The following BACH2 variants were observed in gnomAD, a reference collection of about 807,000 sequenced individuals.
BACH2 encodes transcription regulator protein BACH2.
In BACH2, 5 loss-of-function variants were observed where a neutral mutation model predicts 61.8. The ratio of observed to expected loss-of-function variants is 0.08; its 90% CI spans 0.04 to 0.17. The LOEUF is 0.17. BACH2 is among the 10% of genes least tolerant of loss of function. The pLI is 1.00. For synonymous variants in BACH2, 446 were observed against 440.1 expected (o/e 1.01, Z -0.17); for missense variants, 824 against 1,091.1 (o/e 0.76, Z 3.45).
intron 6 of BACH2, among the ~76,000 whole-genome samples, chr6:89,974,994 A>T (rs1191081740): frequency 6.6e-6 from 1 of 152,194 alleles, no homozygotes; most frequent in Non-Finnish European, 1.5e-5. Context: ...TGCATGTTTT[A>T]CTGAAAGAGT....
intron 5 of BACH2, among the ~76,000 whole-genome samples, chr6:90,051,979 C>T (rs891666402): frequency 1.3e-5 from 2 of 152,012 alleles, no homozygotes; most frequent in African/African-American, 2.4e-5. Flanking sequence ...AAAATTTCCA[C>T]ATATAAGGGG....
intron 4 of BACH2, among the ~76,000 whole-genome samples, chr6:90,165,497 G>C (rs1767578453): frequency 1.3e-5 from 2 of 152,092 alleles, no homozygotes; most frequent in African/African-American, 4.8e-5. Context: ...GTAATTTATA[G>C]ATTCAATGCC....
At chr6:90,085,389 C>G (rs2127806349) in intron 5 of BACH2, among the ~76,000 whole-genome samples, 1 of 152,324 alleles carries the variant, frequency 6.6e-6, no homozygotes, top group East Asian at 1.9e-4. Flanking sequence ...AGGCACACAG[C>G]TCTGGGACTC....
At chr6:90,281,389 T>C (rs1342373381) in intron 1 of BACH2, among the ~76,000 whole-genome samples, 2 of 152,168 alleles carry the variant, frequency 1.3e-5, no homozygotes, top group African/African-American at 2.4e-5. Flanking sequence ...ATAAAAAACA[T>C]AGACAGTTTT....
At chr6:89,975,263 T>G (rs991118927) in intron 6 of BACH2, among the ~76,000 whole-genome samples, 4 of 152,238 alleles carry the variant, frequency 2.6e-5, no homozygotes, top group African/African-American at 9.6e-5. Context: ...GGGATAAAAA[T>G]GAATATTGTA....
At chr6:90,153,415 G>A (rs1037778278) in intron 4 of BACH2, among the ~76,000 whole-genome samples, 1 of 152,132 alleles carries the variant, frequency 6.6e-6, no homozygotes, top group African/African-American at 2.4e-5. Context: ...TGTTGGGTAA[G>A]TTATATTCTG....
intron 5 of BACH2, among the ~76,000 whole-genome samples, chr6:90,071,253 T>C (rs952900218): frequency 3.3e-5 from 5 of 152,242 alleles, no homozygotes; most frequent in Non-Finnish European, 5.9e-5. Context: ...ATGAGACCTC[T>C]TTTGTCACAG....
chr6:89,938,498 T>A, intron 7 of BACH2, 148 bp from the exon 8 acceptor site: 1 of 653,006 alleles, frequency 1.5e-6, no homozygotes, highest in Non-Finnish European at 2.6e-6. Context: ...ATTTCCTGTT[T>A]AAAGACAGAT....
chr6:90,029,614 C>T (rs778932565), intron 5 of BACH2, among the ~76,000 whole-genome samples: 9 of 152,186 alleles, frequency 5.9e-5, no homozygotes, highest in Non-Finnish European at 1.2e-4. Context: ...GTTTTGCTCA[C>T]CATTGAAGCC....
chr6:90,275,717 T>C (rs1173861238), intron 1 of BACH2, among the ~76,000 whole-genome samples: 1 of 152,116 alleles, frequency 6.6e-6, no homozygotes, highest in Non-Finnish European at 1.5e-5. Context: ...GGCTCACGCC[T>C]GTAATCCCAG....
At chr6:90,059,421 G>T (rs1226149888) in intron 5 of BACH2, among the ~76,000 whole-genome samples, 3 of 152,106 alleles carry the variant, frequency 2.0e-5, no homozygotes, top group African/African-American at 2.4e-5. Flanking sequence ...AAAACCACAA[G>T]GAGATACCAT....
At chr6:90,289,318 C>T (rs1329134488) in intron 1 of BACH2, among the ~76,000 whole-genome samples, 4 of 152,090 alleles carry the variant, frequency 2.6e-5, no homozygotes, top group African/African-American at 4.8e-5. Context: ...ATTAGCTGAG[C>T]GACACCTATG....
At chr6:90,240,556 A>G (rs1217082943) in intron 3 of BACH2, among the ~76,000 whole-genome samples, 2 of 152,238 alleles carry the variant, frequency 1.3e-5, no homozygotes, top group East Asian at 1.9e-4. Flanking sequence ...CAGCCCCACT[A>G]TAATGGGAAT....
intron 7 of BACH2, among the ~76,000 whole-genome samples, chr6:89,948,348 T>G (rs992204031): frequency 6.6e-6 from 1 of 152,176 alleles, no homozygotes; most frequent in African/African-American, 2.4e-5. Context: ...CTGGGACTAC[T>G]GGCACGAGCC....
At chr6:90,257,572 T>A (rs1279936555) in intron 2 of BACH2, among the ~76,000 whole-genome samples, 2 of 152,198 alleles carry the variant, frequency 1.3e-5, no homozygotes, top group African/African-American at 4.8e-5. Flanking sequence ...GTAATTCGTT[T>A]GTTCTTTGCT....
At chr6:90,209,763 C>A (rs558659868) in intron 3 of BACH2, among the ~76,000 whole-genome samples, 3 of 152,276 alleles carry the variant, frequency 2.0e-5, no homozygotes, top group Admixed American at 1.3e-4. Context: ...GATTACGGAT[C>A]CCTTCCTGCC....
chr6:90,253,804 G>A (rs1299258505), intron 2 of BACH2, among the ~76,000 whole-genome samples: 3 of 152,126 alleles, frequency 2.0e-5, no homozygotes, highest in Non-Finnish European at 4.4e-5. Context: ...CCTGAAGTTG[G>A]TTACACAGAG....
At chr6:90,100,702 GACACACACACAC>G (rs372719418) in intron 4 of BACH2, among the ~76,000 whole-genome samples, 3 of 64,278 alleles carry the variant, frequency 4.7e-5, no homozygotes, top group East Asian at 2.7e-4. Flanking sequence ...CACACACACA[GACACACACACAC>G]ACACACACAC....
chr6:90,035,833 G>A (rs149846409), intron 5 of BACH2, among the ~76,000 whole-genome samples: 325 of 151,944 alleles, frequency 2.1e-3, no homozygotes, highest in African/African-American at 7.3e-3. Flanking sequence ...ACTCAAGGTC[G>A]CAGAACCATT....
Sources: allele counts gnomAD v4.1 joint callset (sites outside exome capture counted in the v4.1 genomes callset), GRCh38; gene constraint gnomAD v4.1.1; transcripts MANE v1.5; gene names NCBI Gene and HGNC (gene_info 2026-07-23, HGNC 2026-07-21).